GFM2: variants seen among roughly 807,000 people sequenced by gnomAD.
The protein encoded by GFM2 is ribosome-releasing factor 2, mitochondrial.
In GFM2, 72 loss-of-function variants were observed where a neutral mutation model predicts 95.4. The observed-to-expected ratio is 0.76, with a 90% confidence interval of 0.62 to 0.92. The LOEUF is 0.92. Among genes scored for constraint, GFM2 ranks in the 40% least tolerant of loss-of-function variants. GFM2 has a pLI of 0.00. For missense variants in GFM2, 825 were observed against 924.1 expected (o/e 0.89, Z 1.39); for synonymous variants, 276 against 317.5 (o/e 0.87, Z 1.39).
At chr5:74,729,203 C>T (rs557045464) in intron 17 of GFM2, among the ~76,000 whole-genome samples, 62 of 152,284 alleles carry the variant, frequency 4.1e-4, no homozygotes, top group African/African-American at 1.4e-3. Context: ...GTTCTATGAA[C>T]TTAGGCTAAA....
At chr5:74,761,247 G>T (rs1376802304) in intron 2 of GFM2, among the ~76,000 whole-genome samples, 1 of 152,180 alleles carries the variant, frequency 6.6e-6, no homozygotes, top group East Asian at 1.9e-4. Context: ...GCATTAGCAT[G>T]GGCTGAGGGC....
chr5:74,759,258 G>T, intron 4 of GFM2, 111 bp downstream of exon 4: 1 of 699,494 alleles, frequency 1.4e-6, no homozygotes, highest in South Asian at 1.9e-5. Context: ...ACTTAAAATT[G>T]GCTAGGGCAG....
At chr5:74,755,297 T>C (rs187328641) in intron 5 of GFM2, among the ~76,000 whole-genome samples, 49 of 152,184 alleles carry the variant, frequency 3.2e-4, no homozygotes, top group African/African-American at 1.1e-3. Flanking sequence ...TACTCTCTCA[T>C]ATCATAGTGG....
chr5:74,751,251 T>C, intron 6 of GFM2, 117 bp downstream of exon 6: 1 of 914,478 alleles, frequency 1.1e-6, no homozygotes, highest in Non-Finnish European at 1.7e-6. Flanking sequence ...ATGGTTGAGA[T>C]GGTAAATTTT....
chr5:74,738,665 A>G, intron 12 of GFM2, 23 bp from the exon 13 acceptor site: 1 of 1,586,942 alleles, frequency 6.3e-7, no homozygotes, highest in Non-Finnish European at 8.6e-7. Context: ...CATTCCAAAA[A>G]GGCCTATAAA....
chr5:74,723,087 A>C (rs1579962969), intron 19 of GFM2, among the ~76,000 whole-genome samples: 1 of 152,230 alleles, frequency 6.6e-6, no homozygotes, highest in Non-Finnish European at 1.5e-5. Context: ...TGGAATTGAA[A>C]AGGATGTAAA....
rs141800804 is a variant in GFM2, at chr5:74,729,560, C to T, written c.1726+700G>A. Among the ~76,000 whole-genome samples, 18 of 152,272 alleles carry T rather than the reference C, an allele frequency of 1.2e-4. No individual in the cohort carries two copies. In the East Asian group the frequency reaches 2.1e-3, roughly 18 times the overall value. On this transcript the variant is annotated intron_variant, in intron 17 of 20. Coordinates refer to ENST00000296805, the MANE Select transcript of GFM2 (RefSeq NM_032380.5). ...CCAGATAAACAGTCCAGAAAGAGAA[C>T]GCCTCATGCTATTTGCTCCTGTATT...
rs756883000 is a variant in GFM2 at position 74,740,123 on chromosome 5, T to C, written c.945A>G (p.Ile315Met). ...CTGTCTGAGCTAGTGTCACTCTATG[T>C]ATTGCAGTCTGTAGCTACAGAGCAG... ...LLPAEKLQTA[I>M]HRVTLAQTAV... is the part of the protein sequence containing the mutation. Residue 315 changes from isoleucine to methionine, a missense_variant, in exon 12 of 21, where the codon ATA (isoleucine) becomes ATG (methionine). Transcript: ENST00000296805. 6.3e-6 allele frequency: 10 copies of C among 1,599,444 alleles called. No homozygotes were observed. The highest frequency in any genetic ancestry group is 1.1e-5 in the South Asian group (1 of 88,082).
intron 5 of GFM2, among the ~76,000 whole-genome samples, chr5:74,755,193 A>G (rs1743919370): frequency 6.6e-6 from 1 of 152,220 alleles, no homozygotes; most frequent in African/African-American, 2.4e-5. Flanking sequence ...TATATATTCT[A>G]TACATCAGCA....
At chr5:74,737,795 A>T (rs1252939107) in intron 14 of GFM2, among the ~76,000 whole-genome samples, 1 of 152,206 alleles carries the variant, frequency 6.6e-6, no homozygotes, top group East Asian at 1.9e-4. Context: ...AATAAATACA[A>T]CATCAAGTAT....
chr5:74,737,468 T>A (rs1742893401), intron 14 of GFM2, among the ~76,000 whole-genome samples: 1 of 152,186 alleles, frequency 6.6e-6, no homozygotes, highest in East Asian at 1.9e-4. Context: ...ACTTCTAAAC[T>A]TTTATATTGT....
intron 12 of GFM2, among the ~76,000 whole-genome samples, chr5:74,739,364 G>A (rs1457882803): frequency 6.6e-6 from 1 of 152,098 alleles, no homozygotes; most frequent in African/African-American, 2.4e-5. Context: ...AACACCATGA[G>A]ATAGGTCCTA....
In GFM2 at chr5:74,763,665, A is replaced by G. The variant is rs761809459; in HGVS notation, c.63+15T>C. ...AGGTTGTTAAAGGACACTTAATTTT[A>G]TAAGAAATGCTTACATTAATATACA... On this transcript the variant is annotated intron_variant, in intron 2 of 20. Transcript: ENST00000296805. The G allele has an allele frequency of 7.4e-6, 11 of 1,481,016 alleles. No individual in the cohort carries two copies. The highest frequency in any genetic ancestry group is 1.4e-5 in the African/African-American group (1 of 72,548). 91.7% of individuals were successfully genotyped at this position (1,481,016 alleles called of 1,614,324 possible).
At chr5:74,722,790 T>C in intron 19 of GFM2, 1 of 414,614 alleles carries the variant, frequency 2.4e-6, no homozygotes, top group Non-Finnish European at 4.3e-6. Context: ...AAAATGCCTG[T>C]GAACATGTGG....
intron 17 of GFM2, among the ~76,000 whole-genome samples, chr5:74,728,793 G>C (rs1750278815): frequency 9.0e-6 from 1 of 110,666 alleles, no homozygotes; most frequent in African/African-American, 3.4e-5. Flanking sequence ...GTCTCACTCT[G>C]TTGCCTGGGT....
In GFM2 at chr5:74,760,997, G is replaced by C. The variant is rs1337093334; in HGVS notation, c.64-11C>G. On this transcript the variant is annotated splice_polypyrimidine_tract_variant and intron_variant, in intron 2 of 20. Coordinates refer to ENST00000296805, the MANE Select transcript of GFM2 (RefSeq NM_032380.5). The stretch of plus-strand genomic sequence containing the variant: ...ATAGCAGCATATATTCTAGTAAAGA[G>C]AAAAAGAAACTTGGCATTAATTTTA... 3 of 1,459,992 alleles carry C rather than the reference G, an allele frequency of 2.1e-6. No homozygotes were observed. Among genetic ancestry groups the C allele is most frequent in the South Asian group, 1.2e-5 (1 of 84,000 alleles). The allele number at this position is 1,459,992 out of a possible 1,614,324, so 90.4% of individuals were successfully genotyped here.
chr5:74,748,062 T>A (rs183985121), intron 7 of GFM2, among the ~76,000 whole-genome samples: 4 of 152,348 alleles, frequency 2.6e-5, no homozygotes, highest in Admixed American at 6.5e-5. Flanking sequence ...CAGGAGGTAC[T>A]GAGAATCATG....
At position 74,738,760 on chromosome 5, in the gene GFM2, AAAT is replaced by A. The variant is rs371753740; in HGVS notation, c.1080-121_1080-119del. The A allele has an allele frequency of 1.1e-3, 960 of 864,596 alleles. 11 individuals carry two copies. The African/African-American group carries it at 0.015, about 13-fold the overall frequency. 53.6% of individuals were successfully genotyped at this position (864,596 alleles called of 1,614,324 possible). A position where few individuals can be genotyped will look rare whatever the true frequency, so the allele number is the denominator to read the frequency against. Reference sequence around the variant, plus strand: ...TCTAGTAGAGCTACTTAGAGCCACTAAATAATGTCTTTGTTACGTAACTCTCTT... The same window carrying A: ...TCTAGTAGAGCTACTTAGAGCCACTAAATGTCTTTGTTACGTAACTCTCTT... On this transcript the variant is annotated intron_variant, in intron 12 of 20. Transcript: ENST00000296805.
intron 17 of GFM2, among the ~76,000 whole-genome samples, chr5:74,728,820 G>A (rs931778436): frequency 1.5e-5 from 2 of 131,196 alleles, no homozygotes; most frequent in South Asian, 2.6e-4. Flanking sequence ...GTAATGGCAC[G>A]ATCTCAGCTC....
Sources: gnomAD v4.1 joint callset for allele counts (sites outside exome capture counted in the v4.1 genomes callset) on GRCh38, gnomAD v4.1.1 for gene constraint, MANE v1.5 for transcripts, NCBI Gene and HGNC (gene_info 2026-07-23, HGNC 2026-07-21) for gene names.